The following MYO1A variants were observed in gnomAD, a reference collection of about 807,000 sequenced individuals.
The protein encoded by MYO1A is unconventional myosin-Ia.
MYO1A carries 127 observed loss-of-function variants against 138.5 expected under a neutral mutation model. That is an observed-to-expected ratio of 0.92 (90% CI 0.79 to 1.06). The LOEUF (loss-of-function observed/expected upper bound fraction) is 1.06. Among genes scored for constraint, MYO1A ranks in the 50% least tolerant of loss-of-function variants. The pLI is 0.00. For missense variants in MYO1A, 1,211 were observed against 1,288.8 expected, an observed-to-expected ratio of 0.94 and a Z score of 0.92; for synonymous variants, 477 against 497.5, an observed-to-expected ratio of 0.96 and a Z score of 0.55.
Position 57,038,824 on chromosome 12 carries a change from G to C in MYO1A, c.1518C>G (p.Cys506Trp), listed in dbSNP as rs766192101. The change falls in exon 16 of 28, where the codon TGC (cysteine) becomes TGG (tryptophan). Residue 506 changes from cysteine (C) to tryptophan (W), a missense_variant. By Grantham distance (215) the Cys-to-Trp change is radical. Coordinates refer to ENST00000300119, the MANE Select transcript of MYO1A (RefSeq NM_005379.4). Reference sequence around the variant, plus strand: ...GCCATTTCACCTTGCCCGCATAGTGGCAGATGCGGAAGCAGCTGAGGCCCA... The same window carrying C: ...GCCATTTCACCTTGCCCGCATAGTGCCAGATGCGGAAGCAGCTGAGGCCCA... ...HTMGLSCFRI[C>W]HYAGKVTYNV... The C allele has an allele frequency of 1.2e-6, 2 of 1,614,142 alleles. No individual in the cohort carries two copies. The highest frequency in any genetic ancestry group is 1.7e-6 in the Non-Finnish European group (2 of 1,180,038).
rs138116351 is a variant in MYO1A, at chr12:57,038,398, T to A, written c.1760+14A>T. On this transcript the variant is annotated intron_variant, in intron 17 of 27. Coordinates refer to ENST00000300119, the MANE Select transcript of MYO1A (RefSeq NM_005379.4). Reference sequence around the variant, plus strand: ...CACATATGTAGCATGTTCCCCTGCATGCCAGCATGTCACCTGATGTAGTTG... The same window carrying A: ...CACATATGTAGCATGTTCCCCTGCAAGCCAGCATGTCACCTGATGTAGTTG... 2.2e-5 allele frequency: 36 copies of A among 1,613,452 alleles called. No homozygotes were observed. In the East Asian group the frequency reaches 8.0e-4, roughly 36 times the overall value.
intron 19 of MYO1A, 125 bp from the exon 20 acceptor site, chr12:57,037,216 G>T (rs1485815771): frequency 4.1e-6 from 5 of 1,232,204 alleles, no homozygotes; most frequent in Non-Finnish European, 5.8e-6. Flanking sequence ...TGTCTTCTTA[G>T]TTTGCTCATT....
chr12:57,047,314 GGGT>G lies in MYO1A; in HGVS notation c.416_418del (p.Asn139_Pro140delinsThr). 6.2e-7 allele frequency: 1 copy of G among 1,614,006 alleles called. No individual in the cohort carries two copies. ...AGCAGAATTCTCACCCTCCAGCACT[GGGT>G]TAGACTGTAGCAGCTGCTCCTTCAC... On this transcript the variant is annotated inframe_deletion, in exon 5 of 28. Transcript: ENST00000300119.
At chr12:57,030,993 G>C in intron 23 of MYO1A, 47 bp downstream of exon 23, 1 of 1,606,022 alleles carries the variant, frequency 6.2e-7, no homozygotes, top group Non-Finnish European at 8.5e-7. Context: ...TCAGGGGGAG[G>C]GAAAAAAAAG....
chr12:57,047,986 C>T lies in MYO1A; in HGVS notation c.230+3G>A. The T allele has an allele frequency of 6.2e-7, 1 of 1,609,204 alleles. No homozygotes were observed. Among genetic ancestry groups the T allele is most frequent in the Non-Finnish European group, 8.5e-7 (1 of 1,175,516 alleles). ...TCAGCCTTCCCTTGGTCCCCCTACT[C>T]ACATATGGGGCTTCAGCTCATAGAA... is the stretch of plus-strand genomic sequence containing the variant. On this transcript the variant is annotated splice_donor_region_variant and intron_variant, in intron 3 of 27. Transcript: ENST00000300119.
intron 8 of MYO1A, among the ~76,000 whole-genome samples, chr12:57,044,866 G>A (rs879546192): frequency 1.3e-5 from 2 of 152,180 alleles, no homozygotes; most frequent in South Asian, 2.1e-4. Context: ...GCCTCTGGAC[G>A]GTGAAGGTAA....
intron 22 of MYO1A, 48 bp from the exon 23 acceptor site, chr12:57,031,222 C>T: frequency 6.2e-7 from 1 of 1,611,802 alleles, no homozygotes. Context: ...AGAAACACTT[C>T]CTGACAGGCA....
At chr12:57,041,532 C>G (rs1282859363) in intron 12 of MYO1A, 35 bp from the exon 13 acceptor site, 1 of 1,573,010 alleles carries the variant, frequency 6.4e-7, no homozygotes, top group East Asian at 2.2e-5. Context: ...TGAGGACAGG[C>G]CCCCTCTGCA....
chr12:57,037,989 A>T lies in MYO1A; in HGVS notation c.1841T>A (p.Leu614Gln), dbSNP rs779626858. The change falls in exon 18 of 28, where the codon CTG (leucine) becomes CAG (glutamine). Residue 614 changes from leucine to glutamine, a missense_variant. Transcript: ENST00000300119. The stretch of plus-strand genomic sequence containing the variant: ...CCGTCGCACCCGTACGTTCTCCAGC[A>T]GTCCCAGGTACCGAGCCTGGGTTGC... ...LVATQARYLGLLENVRVRRAG... is the reference protein window; with the variant it reads ...LVATQARYLGQLENVRVRRAG... 123 of 1,614,108 alleles carry T rather than the reference A, an allele frequency of 7.6e-5. No homozygotes were observed. Among genetic ancestry groups the T allele is most frequent in the Non-Finnish European group, 1.0e-4 (120 of 1,180,048 alleles).
chr12:57,045,415 A>G (rs2031052151), intron 8 of MYO1A, among the ~76,000 whole-genome samples: 1 of 152,114 alleles, frequency 6.6e-6, no homozygotes, highest in South Asian at 2.1e-4. Context: ...GGGTATCTGG[A>G]GGGAGAATGA....
chr12:57,038,756 A>G, intron 16 of MYO1A, 53 bp downstream of exon 16: 3 of 1,611,978 alleles, frequency 1.9e-6, no homozygotes, highest in Non-Finnish European at 1.7e-6. Context: ...TCCCCCATTG[A>G]CTTCAGTCTG....
chr12:57,039,046 T>C (rs778360745), intron 15 of MYO1A, 37 bp from the exon 16 acceptor site: 1 of 1,601,034 alleles, frequency 6.2e-7, no homozygotes, highest in Non-Finnish European at 8.5e-7. Context: ...AACCTAAATC[T>C]GGTCCTCCGA....
intron 4 of MYO1A, 49 bp from the exon 5 acceptor site, chr12:57,047,456 C>T (rs2031156363): frequency 2.6e-6 from 4 of 1,562,176 alleles, no homozygotes; most frequent in Non-Finnish European, 3.5e-6. Flanking sequence ...ACTAGCCCAT[C>T]CCCCCACCTC....
chr12:57,029,561 G>A lies in MYO1A; in HGVS notation c.2751C>T (p.Thr917=). Residue 917 remains threonine (T), a synonymous_variant, in exon 26 of 28, where the codon ACC becomes ACT. Coordinates refer to ENST00000300119, the MANE Select transcript of MYO1A (RefSeq NM_005379.4). ...GKTSSRILLL[T]KGHVILTDTK... ...TGTCTGTGAGAATCACATGGCCCTT[G>A]GTCAGGAGGAGAATCCGAGAAGAAG... The A allele has an allele frequency of 6.2e-7, 1 of 1,614,170 alleles. No individual in the cohort carries two copies. The highest frequency in any genetic ancestry group is 8.5e-7 in the Non-Finnish European group (1 of 1,180,008).
rs1233373033 is a variant in MYO1A, at chr12:57,029,843, A to G, written c.2621T>C (p.Ile874Thr). The change falls in exon 25 of 28, where the codon ATT (isoleucine) becomes ACT (threonine). Residue 874 changes from isoleucine to threonine, a missense_variant. Coordinates refer to ENST00000300119, the MANE Select transcript of MYO1A (RefSeq NM_005379.4). ...SVPIPFCGDY[I>T]GLQGNPKLQK... ...CAGCTTGGGGTTCCCTTGCAGCCCAATGTAGTCACCACAGAATGGAATGGG... is the reference window on the plus strand; with the variant it reads ...CAGCTTGGGGTTCCCTTGCAGCCCAGTGTAGTCACCACAGAATGGAATGGG... 11 of 1,614,032 alleles carry G rather than the reference A, an allele frequency of 6.8e-6. No individual in the cohort carries two copies. Among genetic ancestry groups the G allele is most frequent in the Admixed American group, 1.7e-5 (1 of 60,008 alleles).
chr12:57,048,469 C>T (rs2031219227), intron 1 of MYO1A, 126 bp from the exon 2 acceptor site: 4 of 705,142 alleles, frequency 5.7e-6, no homozygotes, highest in African/African-American at 1.8e-5. Context: ...TAAAGAGAGC[C>T]CCCAACCTAG....
intron 14 of MYO1A, 129 bp from the exon 15 acceptor site, chr12:57,039,403 G>T: frequency 1.3e-6 from 1 of 760,754 alleles, no homozygotes; most frequent in Non-Finnish European, 2.4e-6. Context: ...GGGGTCCTTG[G>T]TATGATTTCT....
At position 57,047,860 on chromosome 12, in the gene MYO1A, C is replaced by T. The variant is rs1393274325; in HGVS notation, c.230+129G>A. The T allele has an allele frequency of 3.2e-6, 5 of 1,559,910 alleles. No homozygotes were observed. In the Admixed American group the frequency reaches 9.7e-5, roughly 30 times the overall value. ...AAGATGTGACAGGCCTTGGAAGGGGCCTCCAGAAGGCCAGGGAAGGAAGGG... is the reference window on the plus strand; with the variant it reads ...AAGATGTGACAGGCCTTGGAAGGGGTCTCCAGAAGGCCAGGGAAGGAAGGG... On this transcript the variant is annotated intron_variant, in intron 3 of 27. Transcript: ENST00000300119.
At position 57,043,101 on chromosome 12, in the gene MYO1A, T is replaced by C. The variant is rs1311903867; in HGVS notation, c.1069A>G (p.Ile357Val). The change falls in exon 12 of 28, where the codon ATA becomes GTA. Residue 357 changes from isoleucine to valine, a missense_variant. Coordinates refer to ENST00000300119, the MANE Select transcript of MYO1A (RefSeq NM_005379.4). Reference protein sequence around the residue: ...KNIYSRLFDWIVNRINESIKV... With the variant: ...KNIYSRLFDWVVNRINESIKV... ...ATGCTCTCATTGATTCGATTCACTA[T>C]CCAGTCAAAGAGGCGGCTGTAGATG... is the stretch of plus-strand genomic sequence containing the variant. 6.2e-7 allele frequency: 1 copy of C among 1,614,100 alleles called. No homozygotes were observed. Among genetic ancestry groups the C allele is most frequent in the Non-Finnish European group, 8.5e-7 (1 of 1,180,014 alleles).
Sources: gnomAD v4.1 joint callset for allele counts (sites outside exome capture counted in the v4.1 genomes callset) on GRCh38, gnomAD v4.1.1 for gene constraint, MANE v1.5 for transcripts, NCBI Gene and HGNC (gene_info 2026-07-23, HGNC 2026-07-21) for gene names.